Variants in USF2 observed in about 807,000 individuals in gnomAD.
USF2 encodes upstream transcription factor 2, c-fos interacting, also known as upstream stimulatory factor 2.
In USF2, 16 loss-of-function variants were observed where a neutral mutation model predicts 46.9. The observed-to-expected ratio is 0.34, with a 90% CI of 0.23 to 0.52. The LOEUF (loss-of-function observed/expected upper bound fraction) is 0.52, where lower values mean the gene tolerates loss of function less well. Among genes scored for constraint, USF2 ranks in the 20% least tolerant of loss-of-function variants. The pLI, the probability that USF2 is intolerant of heterozygous loss-of-function variation, is 0.96. For synonymous variants in USF2, 239 were observed against 194.1 expected (o/e 1.23, Z -1.92); for missense variants, 411 against 474.0 (o/e 0.87, Z 1.23).
chr19:35,269,831 A>G lies in USF2; in HGVS notation c.257A>G (p.Asp86Gly). The G allele has an allele frequency of 6.9e-7, 1 of 1,456,058 alleles. No individual in the cohort carries two copies. The highest frequency in any genetic ancestry group is 9.0e-7 in the Non-Finnish European group (1 of 1,112,686). 90.2% of individuals were successfully genotyped at this position (1,456,058 alleles called of 1,614,324 possible). Reference protein sequence around the residue: ...QVTYRVVQVTDGQLDGQGDTA... With the variant: ...QVTYRVVQVTGGQLDGQGDTA... ...ACATACCGCGTAGTCCAGGTGACTG[A>G]TGGTCAGCTGGACGGCCAGGGCGAC... The change falls in exon 4 of 10, where the codon GAT becomes GGT. Residue 86 changes from aspartate to glycine, a missense_variant. Coordinates refer to ENST00000222305, the MANE Select transcript of USF2 (RefSeq NM_003367.4).
rs1448750938 is a variant in USF2 at position 35,269,175 on chromosome 19, G to C, written c.62+12G>C. ...GCTGCCGCCGCCAGGTAAGATCCCC[G>C]GCCCGGCCGTGCCCCCGCGCCCCGG... On this transcript the variant is annotated intron_variant, in intron 1 of 9. Coordinates refer to ENST00000222305, the MANE Select transcript of USF2 (RefSeq NM_003367.4). The C allele has an allele frequency of 3.0e-6, 3 of 994,612 alleles. No individual in the cohort carries two copies. Among genetic ancestry groups the C allele is most frequent in the African/African-American group, 3.9e-5 (2 of 51,398 alleles). The allele number at this position is 994,612 out of a possible 1,614,324, so 61.6% of individuals were successfully genotyped here.
chr19:35,271,014 A>ACTTAG (rs1317480028), intron 6 of USF2, 69 bp from the exon 7 acceptor site: 1 of 1,585,076 alleles, frequency 6.3e-7, no homozygotes, highest in Admixed American at 1.7e-5. Flanking sequence ...CAAATCTAAT[A>ACTTAG]CTTAGCAGAT....
At chr19:35,270,156 C>T in intron 4 of USF2, 153 bp downstream of exon 4, 2 of 1,020,802 alleles carry the variant, frequency 2.0e-6, no homozygotes, top group Non-Finnish European at 1.3e-6. Flanking sequence ...CTGTTGTGCA[C>T]CGTGAAACCT....
In USF2 at chr19:35,277,366, A is replaced by G. The variant is rs118007371; in HGVS notation, c.728-1332A>G. The stretch of plus-strand genomic sequence containing the variant: ...GGTGGGAGAAGGAGAGTCCGCATCC[A>G]TCGGAGGGTTTGTCACTCAGGCCTG... On this transcript the variant is annotated intron_variant, in intron 7 of 9. Coordinates refer to ENST00000222305, the MANE Select transcript of USF2 (RefSeq NM_003367.4). 562 of 153,190 alleles carry G rather than the reference A, an allele frequency of 3.7e-3. 16 individuals are homozygous for G. In the East Asian group the frequency reaches 0.052, roughly 14 times the overall value. 9.5% of individuals were successfully genotyped at this position (153,190 alleles called of 1,614,324 possible).
intron 7 of USF2, chr19:35,275,459 T>C (rs1001248262): frequency 6.6e-6 from 1 of 151,154 alleles, no homozygotes; most frequent in African/African-American, 2.4e-5. Flanking sequence ...TCCAATTTTC[T>C]ACTAAAATCT....
intron 7 of USF2, among the ~76,000 whole-genome samples, chr19:35,271,491 G>A (rs2066156135): frequency 6.6e-6 from 1 of 152,166 alleles, no homozygotes; most frequent in Non-Finnish European, 1.5e-5. Flanking sequence ...CTTTCCACGT[G>A]GCAGCTGTCA....
intron 6 of USF2, 25 bp downstream of exon 6, chr19:35,270,830 G>T: frequency 6.2e-7 from 1 of 1,612,990 alleles, no homozygotes; most frequent in Non-Finnish European, 8.5e-7. Flanking sequence ...CACCTGGAGG[G>T]CCTGGTGTTG....
intron 6 of USF2, 39 bp from the exon 7 acceptor site, chr19:35,271,044 C>T (rs374783897): frequency 2.9e-5 from 47 of 1,611,202 alleles, no homozygotes; most frequent in Non-Finnish European, 3.9e-5. Context: ...AACAGCTCTG[C>T]GATAATACAT....
At chr19:35,270,413 A>G in intron 4 of USF2, 34 bp from the exon 5 acceptor site, 1 of 1,594,364 alleles carries the variant, frequency 6.3e-7, no homozygotes, top group Non-Finnish European at 8.5e-7. Flanking sequence ...GAACAGAGAA[A>G]GCTAAGGGTA....
At chr19:35,274,020 C>T (rs1003366245) in intron 7 of USF2, among the ~76,000 whole-genome samples, 3 of 152,156 alleles carry the variant, frequency 2.0e-5, no homozygotes, top group African/African-American at 7.2e-5. Context: ...AGGACTGTTC[C>T]TTGATGTCCT....
chr19:35,279,309 C>T lies in USF2; in HGVS notation c.*53C>T. On this transcript the variant is annotated 3_prime_UTR_variant, in exon 10 of 10. Coordinates refer to ENST00000222305, the MANE Select transcript of USF2 (RefSeq NM_003367.4). ...CGCCCACGCCGGCCTCTGCTGCCCC[C>T]TTCCCCAGCCCTTAGCACAGAGAGG... The T allele has an allele frequency of 6.9e-7, 1 of 1,447,616 alleles. No individual in the cohort carries two copies. The highest frequency in any genetic ancestry group is 2.4e-4 in the Middle Eastern group (1 of 4,176). 89.7% of individuals were successfully genotyped at this position (1,447,616 alleles called of 1,614,324 possible). A position where few individuals can be genotyped will look rare whatever the true frequency, so the allele number is the denominator to read the frequency against.
intron 4 of USF2, 176 bp downstream of exon 4, chr19:35,270,179 C>T: frequency 2.0e-5 from 19 of 969,762 alleles, no homozygotes; most frequent in Non-Finnish European, 2.5e-5. Context: ...GGACAGTGCT[C>T]TTGGAATTTT....
intron 4 of USF2, 164 bp from the exon 5 acceptor site, chr19:35,270,283 C>T: frequency 3.6e-6 from 4 of 1,123,600 alleles, no homozygotes; most frequent in South Asian, 3.4e-5. Context: ...GACCTCCCGC[C>T]ATGTTCCAGG....
chr19:35,274,684 C>T (rs1483612461), intron 7 of USF2, among the ~76,000 whole-genome samples: 1 of 152,210 alleles, frequency 6.6e-6, no homozygotes, highest in Non-Finnish European at 1.5e-5. Flanking sequence ...ATGCCTGTAA[C>T]AGTCCCAGCT....
chr19:35,274,252 C>A (rs1374016021), intron 7 of USF2, among the ~76,000 whole-genome samples: 1 of 152,244 alleles, frequency 6.6e-6, no homozygotes, highest in African/African-American at 2.4e-5. Context: ...TGCAGAGCAG[C>A]AAAAGCTACC....
Position 35,269,946 on chromosome 19 carries a change from G to C in USF2, c.372G>C (p.Gln124His). ...VTQVGVDGAA[Q>H]RPGPAAASVP... ...AGGTGGGTGTGGACGGGGCAGCCCA[G>C]CGCCCGGGCCCCGCCGCTGCCTCTG... The change falls in exon 4 of 10, where the codon CAG becomes CAC. Residue 124 changes from glutamine to histidine, a missense_variant. By Grantham distance (24) the Gln-to-His change is conservative (BLOSUM62 0). Transcript: ENST00000222305. The C allele has an allele frequency of 7.4e-7, 1 of 1,344,732 alleles. No homozygotes were observed. The highest frequency in any genetic ancestry group is 9.5e-7 in the Non-Finnish European group (1 of 1,054,890). 83.3% of individuals were successfully genotyped at this position (1,344,732 alleles called of 1,614,324 possible).
intron 7 of USF2, among the ~76,000 whole-genome samples, chr19:35,272,192 C>T (rs933694090): frequency 2.0e-5 from 3 of 152,084 alleles, no homozygotes; most frequent in African/African-American, 4.8e-5. Context: ...TCAGATATGG[C>T]AATGCAGCAG....
chr19:35,274,303 G>A (rs372884152), intron 7 of USF2, among the ~76,000 whole-genome samples: 7 of 152,290 alleles, frequency 4.6e-5, no homozygotes, highest in African/African-American at 7.2e-5. Context: ...GACCAGAGCC[G>A]CTTTCAACTC....
intron 6 of USF2, 79 bp downstream of exon 6, chr19:35,270,884 A>G: frequency 1.9e-6 from 3 of 1,558,880 alleles, no homozygotes; most frequent in South Asian, 1.1e-5. Flanking sequence ...CTGGGCAGTT[A>G]GCATGAAGTG....
Sources: allele counts gnomAD v4.1 joint callset (sites outside exome capture counted in the v4.1 genomes callset), GRCh38; gene constraint gnomAD v4.1.1; transcripts MANE v1.5; gene names NCBI Gene and HGNC (gene_info 2026-07-23, HGNC 2026-07-21).